The following RNF111 variants were observed in gnomAD, a reference collection of about 807,000 sequenced individuals.
The protein encoded by RNF111 is E3 ubiquitin-protein ligase Arkadia.
A neutral mutation model predicts 95.1 loss-of-function variants in RNF111; 17 were observed. The ratio of observed to expected loss-of-function variants is 0.18; its 90% confidence interval spans 0.12 to 0.27. The LOEUF (loss-of-function observed/expected upper bound fraction) is 0.27, where lower values mean the gene tolerates loss of function less well. Among genes scored for constraint, RNF111 ranks in the 10% least tolerant of loss-of-function variants. The pLI is 1.00. For missense variants in RNF111, 1,189 were observed against 1,210.4 expected (o/e 0.98, Z 0.26); for synonymous variants, 440 against 414.8 (o/e 1.06, Z -0.74).
intron 6 of RNF111, among the ~76,000 whole-genome samples, chr15:59,072,732 G>C (rs558283283): frequency 2.0e-4 from 30 of 152,024 alleles, no homozygotes; most frequent in Non-Finnish European, 3.1e-4. Flanking sequence ...GATTACAGGC[G>C]TGAGCCACCA....
At chr15:59,092,947 CTTTG>C (rs1306758697) in intron 13 of RNF111, among the ~76,000 whole-genome samples, 1 of 152,176 alleles carries the variant, frequency 6.6e-6, no homozygotes, top group Non-Finnish European at 1.5e-5. Context: ...CTGCAGTGAG[CTTTG>C]AGCACACCAC....
intron 5 of RNF111, among the ~76,000 whole-genome samples, chr15:59,060,562 C>T (rs767013306): frequency 2.0e-5 from 3 of 152,148 alleles, no homozygotes; most frequent in Non-Finnish European, 4.4e-5. Context: ...GTGATCCTGA[C>T]AAGTTGAGGC....
intron 1 of RNF111, among the ~76,000 whole-genome samples, chr15:59,000,837 T>G (rs2039295327): frequency 6.6e-6 from 1 of 152,196 alleles, no homozygotes; most frequent in South Asian, 2.1e-4. Context: ...TAAAGAACAA[T>G]TCAGCAAATG....
chr15:59,008,438 C>T (rs545186946), intron 1 of RNF111, among the ~76,000 whole-genome samples: 6 of 152,058 alleles, frequency 3.9e-5, no homozygotes, highest in South Asian at 2.1e-4. Context: ...AGGCTGGTCT[C>T]GACTCCTGAG....
chr15:59,095,226 T>C lies in RNF111; in HGVS notation c.*326T>C. ...AGGCAAGGTTAGCTGCTTTAGTAAG[T>C]AGAATTTTGTGGTCTTTTTGTTTTT... On this transcript the variant is annotated 3_prime_UTR_variant, in exon 14 of 14. Transcript: ENST00000348370. 4.0e-6 allele frequency: 1 copy of C among 248,478 alleles called. No individual in the cohort carries two copies. The allele number at this position is 248,478 out of a possible 1,614,324, so 15.4% of individuals were successfully genotyped here. A position where few individuals can be genotyped will look rare whatever the true frequency, so the allele number is the denominator to read the frequency against.
In RNF111 at chr15:59,058,371, C is replaced by G. The variant is rs1203764303; in HGVS notation, c.1187C>G (p.Pro396Arg). The G allele has an allele frequency of 2.5e-6, 4 of 1,613,758 alleles. No individual in the cohort carries two copies. Among genetic ancestry groups the G allele is most frequent in the Non-Finnish European group, 2.5e-6 (3 of 1,179,896 alleles). ...TVDEDEPTVV[P>R]TTSARMESQA... Reference sequence around the variant, plus strand: ...TATTTTGTAGAACCTACTGTAGTACCAACCACTTCTGCAAGAATGGAATCA... The same window carrying G: ...TATTTTGTAGAACCTACTGTAGTACGAACCACTTCTGCAAGAATGGAATCA... The change falls in exon 5 of 14, where the codon CCA becomes CGA. Residue 396 changes from proline (P) to arginine (R), a missense_variant. Physicochemically the swap from Pro to Arg is moderately radical, Grantham distance 103. This residue lies in a region of RNF111 where 1,024 missense variants were observed against 925.9 expected (regional missense o/e 1.11). Coordinates refer to ENST00000348370, the MANE Select transcript of RNF111 (RefSeq NM_017610.8).
At chr15:58,994,241 G>A (rs2038946317) in intron 1 of RNF111, among the ~76,000 whole-genome samples, 1 of 151,612 alleles carries the variant, frequency 6.6e-6, no homozygotes, top group South Asian at 2.1e-4. Context: ...GTTTCGCTAT[G>A]TTGGCCAGGC....
intron 5 of RNF111, among the ~76,000 whole-genome samples, chr15:59,060,626 C>T (rs937656730): frequency 6.6e-6 from 1 of 151,962 alleles, no homozygotes; most frequent in African/African-American, 2.4e-5. Flanking sequence ...CAGAGTAAGA[C>T]CCTGTTTTAA....
intron 1 of RNF111, among the ~76,000 whole-genome samples, chr15:58,999,498 G>T (rs547792979): frequency 6.6e-6 from 1 of 152,068 alleles, no homozygotes; most frequent in Non-Finnish European, 1.5e-5. Context: ...ATCACACCCG[G>T]CTAATTTTTG....
intron 1 of RNF111, among the ~76,000 whole-genome samples, chr15:59,028,855 C>T (rs1010382660): frequency 2.6e-5 from 4 of 151,752 alleles, no homozygotes; most frequent in Non-Finnish European, 4.4e-5. Flanking sequence ...TCCCAGCTCA[C>T]TGTAACCTCT....
At position 59,081,135 on chromosome 15, in the gene RNF111, A is replaced by G; in HGVS notation, c.2148A>G (p.Thr716=). The G allele has an allele frequency of 6.2e-7, 1 of 1,614,116 alleles. No individual in the cohort carries two copies. The highest frequency in any genetic ancestry group is 8.5e-7 in the Non-Finnish European group (1 of 1,180,022). The change falls in exon 8 of 14, where the codon ACA becomes ACG. Residue 716 remains threonine (T), a synonymous_variant. Coordinates refer to ENST00000348370, the MANE Select transcript of RNF111 (RefSeq NM_017610.8). ...CACCACCAACTCACTTAGCCAGTACAGCTGCACCAATCCCTCAGCATCTTC... is the reference window on the plus strand; with the variant it reads ...CACCACCAACTCACTTAGCCAGTACGGCTGCACCAATCCCTCAGCATCTTC... ...APPPPTHLAS[T]AAPIPQHLPP...
In RNF111 at chr15:58,994,432, A is replaced by G. The variant is rs1487476849; in HGVS notation, c.-20+6364A>G. Among the ~76,000 whole-genome samples the G allele has an allele frequency of 3.3e-5, 5 of 150,630 alleles. No homozygotes were observed. In the East Asian group the frequency reaches 5.9e-4, roughly 18 times the overall value. ...TGAATACTCATTATTCAGATTCACC[A>G]ATTTTTAATGTTGTCACTCTTGCTT... is the stretch of plus-strand genomic sequence containing the variant. On this transcript the variant is annotated intron_variant, in intron 1 of 13. Transcript: ENST00000348370.
intron 2 of RNF111, chr15:59,049,429 C>A: frequency 5.2e-6 from 1 of 192,770 alleles, no homozygotes; most frequent in Middle Eastern, 2.3e-3. Context: ...TAGGTTCCAG[C>A]AGTTCAGGCT....
chr15:58,988,660 T>TA (rs1251894149), intron 1 of RNF111, among the ~76,000 whole-genome samples: 1 of 152,252 alleles, frequency 6.6e-6, no homozygotes, highest in Non-Finnish European at 1.5e-5. Flanking sequence ...ATAGATTTGT[T>TA]ACAACAGTTC....
At chr15:59,030,093 T>C (rs1480191756) in intron 1 of RNF111, among the ~76,000 whole-genome samples, 3 of 152,212 alleles carry the variant, frequency 2.0e-5, no homozygotes, top group Non-Finnish European at 4.4e-5. Flanking sequence ...GTTGAATGAT[T>C]TAGATAGATT....
At position 59,096,065 on chromosome 15, in the gene RNF111, C is replaced by G. The variant is rs1290725299; in HGVS notation, c.*1165C>G. ...CTACTGTTGCTATGGTTATATACTC[C>G]CACTTCATACATTACCAAGAGTCGA... On this transcript the variant is annotated 3_prime_UTR_variant, in exon 14 of 14. Transcript: ENST00000348370. 5.0e-6 allele frequency: 2 copies of G among 398,448 alleles called. No homozygotes were observed. The highest frequency in any genetic ancestry group is 8.9e-6 in the Non-Finnish European group (2 of 225,854). The allele number at this position is 398,448 out of a possible 1,614,324, so 24.7% of individuals were successfully genotyped here. A position where few individuals can be genotyped will look rare whatever the true frequency, so the allele number is the denominator to read the frequency against.
At chr15:58,989,716 T>C (rs2038727028) in intron 1 of RNF111, among the ~76,000 whole-genome samples, 1 of 152,212 alleles carries the variant, frequency 6.6e-6, no homozygotes, top group Admixed American at 6.5e-5. Context: ...TACAGATTAT[T>C]GAGAGAGAGC....
intron 5 of RNF111, among the ~76,000 whole-genome samples, chr15:59,064,671 G>A (rs556748808): frequency 3.9e-5 from 6 of 151,970 alleles, no homozygotes; most frequent in Non-Finnish European, 7.4e-5. Context: ...TCACAGACGC[G>A]TGAATTCTAG....
chr15:59,058,484 C>A lies in RNF111; in HGVS notation c.1300C>A (p.Pro434Thr), dbSNP rs2042292909. 1.2e-6 allele frequency: 2 copies of A among 1,613,952 alleles called. No individual in the cohort carries two copies. Among genetic ancestry groups the A allele is most frequent in the African/African-American group, 2.7e-5 (2 of 74,914 alleles). The change falls in exon 5 of 14, where the codon CCT (proline) becomes ACT (threonine). Residue 434 changes from proline to threonine, a missense_variant. Physicochemically the swap from Pro to Thr is conservative, Grantham distance 38. Around this residue, in one of 2 missense-constraint regions of RNF111, gnomAD observed 1,024 missense variants for 925.9 expected, o/e 1.11. Coordinates refer to ENST00000348370, the MANE Select transcript of RNF111 (RefSeq NM_017610.8). ...TGCTTCAGCTGTCACCAGTAGCCAA[C>A]CTTCCACAGTGTCAGAGACTTCAGC... is the stretch of plus-strand genomic sequence containing the variant. ...DTASAVTSSQ[P>T]STVSETSATL... is the part of the protein sequence containing the mutation.
Sources: gnomAD v4.1 joint callset for allele counts (sites outside exome capture counted in the v4.1 genomes callset) on GRCh38, gnomAD v4.1.1 for gene constraint, gnomAD v4.1.1 regional missense constraint, MANE v1.5 for transcripts, NCBI Gene and HGNC (gene_info 2026-07-23, HGNC 2026-07-21) for gene names.